Variants in NUCB1 observed in about 807,000 individuals in gnomAD.
NUCB1 encodes nucleobindin-1.
NUCB1 carries 47 observed loss-of-function variants against 61.2 expected under a neutral mutation model. The ratio of observed to expected loss-of-function variants is 0.77; its 90% CI spans 0.61 to 0.98. The LOEUF (loss-of-function observed/expected upper bound fraction) is 0.98. Among genes scored for constraint, NUCB1 ranks in the 50% least tolerant of loss-of-function variants. The pLI is 0.00. For synonymous variants in NUCB1, 234 were observed against 243.1 expected (o/e 0.96, Z 0.35); for missense variants, 583 against 605.3 (o/e 0.96, Z 0.39).
intron 5 of NUCB1, among the ~76,000 whole-genome samples, chr19:48,911,843 T>C (rs2037477664): frequency 6.6e-6 from 1 of 152,048 alleles, no homozygotes; most frequent in South Asian, 2.1e-4. Flanking sequence ...GGGAGTATAC[T>C]GTTCAACCTG....
rs562018840 is a variant in NUCB1, at chr19:48,922,703, G to A, written c.*279G>A. ...TGATCGGCTTAACTTAGAGAAGCCC[G>A]CCCCCTCCCCTTCTCCGTCTGTCCC... is the stretch of plus-strand genomic sequence containing the variant. On this transcript the variant is annotated 3_prime_UTR_variant, in exon 13 of 13. Coordinates refer to ENST00000405315, the MANE Select transcript of NUCB1 (RefSeq NM_006184.6). The A allele has an allele frequency of 1.8e-4, 71 of 398,168 alleles. 1 individual carries two copies. In the East Asian group the frequency reaches 2.3e-3, roughly 13 times the overall value. 24.7% of individuals were successfully genotyped at this position (398,168 alleles called of 1,614,324 possible).
At chr19:48,906,846 C>T (rs1357597472) in intron 4 of NUCB1, among the ~76,000 whole-genome samples, 8 of 152,184 alleles carry the variant, frequency 5.3e-5, no homozygotes, top group Admixed American at 3.9e-4. Context: ...TTGTCACTCA[C>T]GTTTGGGACT....
In NUCB1 at chr19:48,922,541, G is replaced by A; in HGVS notation, c.*117G>A. On this transcript the variant is annotated 3_prime_UTR_variant, in exon 13 of 13. Transcript: ENST00000405315. ...GGTGTCATGTTGGGCTCCTGGGGCG[G>A]GGGCACGGCCTGGCATTTCACGCAT... 1 of 798,134 alleles carries A rather than the reference G, an allele frequency of 1.3e-6. No homozygotes were observed. The highest frequency in any genetic ancestry group is 2.1e-6 in the Non-Finnish European group (1 of 484,632). 49.4% of individuals were successfully genotyped at this position (798,134 alleles called of 1,614,324 possible). A position where few individuals can be genotyped will look rare whatever the true frequency, so the allele number is the denominator to read the frequency against.
intron 4 of NUCB1, among the ~76,000 whole-genome samples, chr19:48,907,216 G>T (rs4801781): frequency 0.16 from 24,668 of 149,952 alleles, 2,327 homozygotes; most frequent in African/African-American, 0.23. Flanking sequence ...CTCGTGATCC[G>T]CCCACCTCGG....
At chr19:48,918,907 C>A in intron 8 of NUCB1, 123 bp downstream of exon 8, 3 of 1,332,398 alleles carry the variant, frequency 2.3e-6, no homozygotes, top group Middle Eastern at 2.1e-4. Context: ...CCCATCAGCC[C>A]CTGGGGCAAA....
Position 48,900,815 on chromosome 19 carries a change from C to G in NUCB1, c.19C>G (p.Arg7Gly). The stretch of plus-strand genomic sequence containing the variant: ...CACTGCCATGCCTCCCTCTGGGCCC[C>G]GAGGAACCCTCCTTCTGTTGCCGCT... MPPSGP[R>G]GTLLLLPLLL... Residue 7 changes from arginine to glycine, a missense_variant, in exon 2 of 13, where the codon CGA becomes GGA. Physicochemically the swap from Arg to Gly is moderately radical, Grantham distance 125. Transcript: ENST00000405315. 6.2e-7 allele frequency: 1 copy of G among 1,613,954 alleles called. No individual in the cohort carries two copies. Among genetic ancestry groups the G allele is most frequent in the South Asian group, 1.1e-5 (1 of 91,074 alleles).
In NUCB1 at chr19:48,921,195, G is replaced by T. The variant is rs756099473; in HGVS notation, c.1044G>T (p.Arg348Ser). 6.2e-6 allele frequency: 10 copies of T among 1,613,094 alleles called. No homozygotes were observed. The East Asian group carries it at 2.2e-4, about 36-fold the overall frequency. ...CTGCCTACACCGAGGAAGAGCTGAGGCGCTTTGAAGAGGAGCTGGCTGCCC... is the reference window on the plus strand; with the variant it reads ...CTGCCTACACCGAGGAAGAGCTGAGTCGCTTTGAAGAGGAGCTGGCTGCCC... ...MHPAYTEEEL[R>S]RFEEELAARE... The change falls in exon 11 of 13, where the codon AGG (arginine) becomes AGT (serine). Residue 348 changes from arginine to serine, a missense_variant. Coordinates refer to ENST00000405315, the MANE Select transcript of NUCB1 (RefSeq NM_006184.6).
chr19:48,913,638 G>A (rs1395852521), intron 7 of NUCB1, 74 bp downstream of exon 7: 24 of 1,267,394 alleles, frequency 1.9e-5, no homozygotes, highest in Non-Finnish European at 2.4e-5. Context: ...AATGCTAAGA[G>A]GGGTGTGTCT....
intron 4 of NUCB1, among the ~76,000 whole-genome samples, chr19:48,907,832 G>C (rs970539895): frequency 6.6e-6 from 1 of 151,954 alleles, no homozygotes; most frequent in African/African-American, 2.4e-5. Flanking sequence ...GCCCAACCCT[G>C]CCCTTCCCGT....
At chr19:48,920,810 A>C (rs1366178429) in intron 10 of NUCB1, among the ~76,000 whole-genome samples, 3 of 152,172 alleles carry the variant, frequency 2.0e-5, no homozygotes, top group Non-Finnish European at 2.9e-5. Context: ...GGTGTGAGCC[A>C]TGGTGCCTGG....
At chr19:48,902,510 G>A (rs764529290) in intron 2 of NUCB1, among the ~76,000 whole-genome samples, 1 of 149,608 alleles carries the variant, frequency 6.7e-6, no homozygotes, top group Non-Finnish European at 1.5e-5. Flanking sequence ...AGACTCAAGC[G>A]ATCCTCCTGC....
At chr19:48,906,126 C>G (rs2037411080) in intron 4 of NUCB1, among the ~76,000 whole-genome samples, 1 of 152,154 alleles carries the variant, frequency 6.6e-6, no homozygotes, top group Admixed American at 6.5e-5. Context: ...TTATCATGGG[C>G]TGGGCACAGT....
In NUCB1 at chr19:48,900,518, T is replaced by C; in HGVS notation, c.-12+146T>C. 3 of 530,414 alleles carry C rather than the reference T, an allele frequency of 5.7e-6. No individual in the cohort carries two copies. In the Admixed American group the frequency reaches 1.0e-4, roughly 18 times the overall value. The allele number at this position is 530,414 out of a possible 1,614,324, so 32.9% of individuals were successfully genotyped here. ...GAGGCTGGGACCCTGGACTCTTGGG[T>C]CTGGGGGAGGAGGCGGCCGAGATCC... On this transcript the variant is annotated intron_variant, in intron 1 of 12. Transcript: ENST00000405315.
At position 48,905,871 on chromosome 19, in the gene NUCB1, C is replaced by G; in HGVS notation, c.362C>G (p.Ala121Gly). The change falls in exon 4 of 13, where the codon GCC (alanine) becomes GGC (glycine). Residue 121 changes from alanine to glycine, a missense_variant. Physicochemically the swap from Ala to Gly is moderately conservative, Grantham distance 60 (BLOSUM62 0). Coordinates refer to ENST00000405315, the MANE Select transcript of NUCB1 (RefSeq NM_006184.6). Reference sequence around the variant, plus strand: ...ATGCTGCTCAAGGCCAAGATGGACGCCGAGCAGGATCCCAGTGAGCAGGGG... The same window carrying G: ...ATGCTGCTCAAGGCCAAGATGGACGGCGAGCAGGATCCCAGTGAGCAGGGG... ...LRMLLKAKMD[A>G]EQDPNVQVDH... The G allele has an allele frequency of 6.2e-7, 1 of 1,607,902 alleles. No homozygotes were observed. Among genetic ancestry groups the G allele is most frequent in the Non-Finnish European group, 8.5e-7 (1 of 1,177,152 alleles).
intron 6 of NUCB1, 53 bp downstream of exon 6, chr19:48,913,249 A>C (rs2037499633): frequency 6.5e-7 from 1 of 1,533,336 alleles, no homozygotes; most frequent in African/African-American, 1.4e-5. Context: ...GTTCAAACGC[A>C]AGACAAGAAA....
At chr19:48,919,502 G>T (rs2037583223) in intron 10 of NUCB1, among the ~76,000 whole-genome samples, 1 of 150,190 alleles carries the variant, frequency 6.7e-6, no homozygotes, top group South Asian at 2.1e-4. Context: ...TTCTGAGACG[G>T]AGTCTCACTC....
rs1568586590 is a variant in NUCB1 at position 48,913,495 on chromosome 19, G to A, written c.688G>A (p.Glu230Lys). 6.2e-7 allele frequency: 1 copy of A among 1,614,194 alleles called. No individual in the cohort carries two copies. The highest frequency in any genetic ancestry group is 1.3e-5 in the African/African-American group (1 of 75,058). Residue 230 changes from glutamate (E) to lysine (K), a missense_variant, in exon 7 of 13, where the codon GAG becomes AAG. Physicochemically the swap from Glu to Lys is moderately conservative, Grantham distance 56. Transcript: ENST00000405315. ...NVPGSQAQLK[E>K]VWEELDGLDP... Reference sequence around the variant, plus strand: ...ACAGGGCAGCCAAGCCCAGTTGAAGGAGGTGTGGGAGGAGCTGGATGGACT... The same window carrying A: ...ACAGGGCAGCCAAGCCCAGTTGAAGAAGGTGTGGGAGGAGCTGGATGGACT...
In NUCB1 at chr19:48,905,756, G is replaced by A. The variant is rs367616657; in HGVS notation, c.247G>A (p.Gly83Arg). 19 of 1,613,936 alleles carry A rather than the reference G, an allele frequency of 1.2e-5. No homozygotes were observed. The highest frequency in any genetic ancestry group is 1.7e-5 in the Admixed American group (1 of 59,994). Residue 83 changes from glycine to arginine, a missense_variant, in exon 4 of 13, where the codon GGG (glycine) becomes AGG (arginine). By Grantham distance (125) the Gly-to-Arg change is moderately radical. Transcript: ENST00000405315. Reference sequence around the variant, plus strand: ...CCAGGGTCTCCTCTCCTGTCAGAGCGGGAAGCTGAGCCGAGAGCTGGACTT... The same window carrying A: ...CCAGGGTCTCCTCTCCTGTCAGAGCAGGAAGCTGAGCCGAGAGCTGGACTT... ...QAANAEDIKSGKLSRELDFVS... is the reference protein window; with the variant it reads ...QAANAEDIKSRKLSRELDFVS...
chr19:48,902,417 TTTC>T lies in NUCB1; in HGVS notation c.135+1489_135+1491del, dbSNP rs1426478186. Among the ~76,000 whole-genome samples the T allele has an allele frequency of 6.4e-4, 77 of 120,274 alleles. 1 individual carries two copies. The Middle Eastern group carries it at 0.011, about 18-fold the overall frequency. 78.9% of individuals were successfully genotyped at this position (120,274 alleles called of 152,430 possible). ...AGCCACCTCATTTTTTCTTTTCCTT[TTTC>T]TTTTTTTTTTTTTTTTTTATTTTTG... On this transcript the variant is annotated intron_variant, in intron 2 of 12. Coordinates refer to ENST00000405315, the MANE Select transcript of NUCB1 (RefSeq NM_006184.6).
Sources: allele counts gnomAD v4.1 joint callset (sites outside exome capture counted in the v4.1 genomes callset), GRCh38; gene constraint gnomAD v4.1.1; transcripts MANE v1.5; gene names NCBI Gene and HGNC (gene_info 2026-07-23, HGNC 2026-07-21).